The following TRABD2B variants were observed in gnomAD, a reference collection of about 807,000 sequenced individuals.
TRABD2B encodes the protein metalloprotease TIKI2.
TRABD2B carries 14 observed loss-of-function variants against 40.1 expected under a neutral mutation model. The ratio of observed to expected loss-of-function variants is 0.35; its 90% CI spans 0.23 to 0.55. The LOEUF is 0.55. Among genes scored for constraint, TRABD2B ranks in the 20% least tolerant of loss-of-function variants. The pLI, the probability that TRABD2B is intolerant of heterozygous loss-of-function variation, is 0.90. For missense variants in TRABD2B, 541 were observed against 648.6 expected, an observed-to-expected ratio of 0.83 and a Z score of 1.80; for synonymous variants, 263 against 277.0, an observed-to-expected ratio of 0.95 and a Z score of 0.50.
At chr1:47,794,419 G>A (rs1261259728) in intron 4 of TRABD2B, among the ~76,000 whole-genome samples, 167 bp downstream of exon 4, 4 of 152,130 alleles carry the variant, frequency 2.6e-5, no homozygotes, top group Admixed American at 2.0e-4. Flanking sequence ...CCCTTGACCC[G>A]AATCAGGAGA....
At chr1:47,849,191 T>G (rs1253357990) in intron 2 of TRABD2B, among the ~76,000 whole-genome samples, 1 of 152,208 alleles carries the variant, frequency 6.6e-6, no homozygotes, top group Non-Finnish European at 1.5e-5. Flanking sequence ...AGATAGGGCC[T>G]TTACAAAGGT....
At chr1:47,981,488 A>G (rs1255036328) in intron 2 of TRABD2B, among the ~76,000 whole-genome samples, 11 of 152,100 alleles carry the variant, frequency 7.2e-5, no homozygotes, top group Admixed American at 7.2e-4. Flanking sequence ...TCTACTTGAG[A>G]GACTGCCATG....
chr1:47,950,362 G>C (rs1191087706), intron 2 of TRABD2B, among the ~76,000 whole-genome samples: 1 of 152,174 alleles, frequency 6.6e-6, no homozygotes, highest in Non-Finnish European at 1.5e-5. Flanking sequence ...AGGAAATCAT[G>C]CAAATCTAAT....
At chr1:47,956,250 T>C (rs1472045165) in intron 2 of TRABD2B, among the ~76,000 whole-genome samples, 4 of 152,132 alleles carry the variant, frequency 2.6e-5, no homozygotes, top group Admixed American at 2.0e-4. Context: ...GGTTCCAAGA[T>C]GGCCAAATAG....
intron 2 of TRABD2B, among the ~76,000 whole-genome samples, chr1:47,803,904 G>A (rs1644856016): frequency 6.6e-6 from 1 of 152,154 alleles, no homozygotes; most frequent in African/African-American, 2.4e-5. Flanking sequence ...TGCATTTTGA[G>A]GCATGCCACC....
chr1:47,773,110 C>T (rs1384622113), intron 6 of TRABD2B, among the ~76,000 whole-genome samples: 1 of 152,240 alleles, frequency 6.6e-6, no homozygotes, highest in Non-Finnish European at 1.5e-5. Flanking sequence ...CCCAGCTTCC[C>T]GTCACCCCAT....
Position 47,765,841 on chromosome 1 carries a change from T to G in TRABD2B, c.*61A>C, listed in dbSNP as rs772984397. On this transcript the variant is annotated 3_prime_UTR_variant, in exon 7 of 7. Transcript: ENST00000606738. Reference sequence around the variant, plus strand: ...CCCCTGGAGGTGGTGGCAGGAGCAGTTGGGTGTGGCCGAAGACCCCTGTGT... The same window carrying G: ...CCCCTGGAGGTGGTGGCAGGAGCAGGTGGGTGTGGCCGAAGACCCCTGTGT... 2.7e-5 allele frequency: 19 copies of G among 702,600 alleles called. No individual in the cohort carries two copies. Among genetic ancestry groups the G allele is most frequent in the Non-Finnish European group, 4.2e-5 (16 of 384,892 alleles). 43.5% of individuals were successfully genotyped at this position (702,600 alleles called of 1,614,324 possible).
chr1:47,881,040 T>C (rs1387238323), intron 2 of TRABD2B, among the ~76,000 whole-genome samples: 2 of 151,872 alleles, frequency 1.3e-5, no homozygotes, highest in Non-Finnish European at 2.9e-5. Context: ...CCATGGAGAG[T>C]CACAAAAAAG....
At chr1:47,772,354 G>A (rs1423424974) in intron 6 of TRABD2B, among the ~76,000 whole-genome samples, 1 of 151,814 alleles carries the variant, frequency 6.6e-6, no homozygotes, top group Non-Finnish European at 1.5e-5. Context: ...AGGTGTGGAG[G>A]TGGGACGGGG....
intron 3 of TRABD2B, among the ~76,000 whole-genome samples, chr1:47,797,882 G>A (rs765042633): frequency 1.3e-5 from 2 of 152,226 alleles, no homozygotes; most frequent in Non-Finnish European, 2.9e-5. Flanking sequence ...TGGTTGGACA[G>A]GGCTGGGGTG....
In TRABD2B at chr1:47,801,636, G is replaced by C; in HGVS notation, c.667-17C>G. On this transcript the variant is annotated splice_polypyrimidine_tract_variant and intron_variant, in intron 2 of 6. Transcript: ENST00000606738. ...AAACAGCACCTGGGCCGAGGAAAGA[G>C]AGAGGAATGAGGGCTGTGCTCAGGG... 1.3e-6 allele frequency: 2 copies of C among 1,534,894 alleles called. No homozygotes were observed. Among genetic ancestry groups the C allele is most frequent in the Non-Finnish European group, 1.7e-6 (2 of 1,146,118 alleles).
intron 2 of TRABD2B, among the ~76,000 whole-genome samples, chr1:47,909,118 T>C (rs1222724025): frequency 6.6e-6 from 1 of 152,278 alleles, no homozygotes; most frequent in African/African-American, 2.4e-5. Context: ...TTGCTAGGCA[T>C]GCTCTTAATA....
intron 2 of TRABD2B, among the ~76,000 whole-genome samples, chr1:47,986,365 C>G (rs1002620187): frequency 6.6e-6 from 1 of 152,116 alleles, no homozygotes; most frequent in Non-Finnish European, 1.5e-5. Context: ...TGCCAACACT[C>G]CAACCACAGA....
intron 3 of TRABD2B, among the ~76,000 whole-genome samples, chr1:47,796,634 C>A (rs1310397227): frequency 1.3e-5 from 2 of 152,238 alleles, no homozygotes; most frequent in African/African-American, 4.8e-5. Flanking sequence ...TGGGGCTTCT[C>A]TGCCAGAAAG....
intron 2 of TRABD2B, among the ~76,000 whole-genome samples, chr1:47,862,153 A>G (rs777092135): frequency 4.6e-5 from 7 of 152,208 alleles, no homozygotes; most frequent in Non-Finnish European, 8.8e-5. Context: ...TAATGCTAAG[A>G]AACTCGAAGC....
At chr1:47,952,954 C>T (rs1645366788) in intron 2 of TRABD2B, among the ~76,000 whole-genome samples, 1 of 152,188 alleles carries the variant, frequency 6.6e-6, no homozygotes, top group Non-Finnish European at 1.5e-5. Context: ...TCTTTTGGGA[C>T]AGCCGCACTC....
At chr1:47,940,948 C>A (rs1645178357) in intron 2 of TRABD2B, among the ~76,000 whole-genome samples, 1 of 152,174 alleles carries the variant, frequency 6.6e-6, no homozygotes, top group Admixed American at 6.5e-5. Context: ...TCCTGGACTC[C>A]AGCCCAGAAG....
intron 2 of TRABD2B, among the ~76,000 whole-genome samples, chr1:47,914,387 C>G (rs970091263): frequency 6.6e-6 from 1 of 152,248 alleles, no homozygotes; most frequent in Non-Finnish European, 1.5e-5. Flanking sequence ...TTCAGGCTAC[C>G]GTCCTGGTGA....
intron 2 of TRABD2B, among the ~76,000 whole-genome samples, chr1:47,981,005 T>C (rs1645833233): frequency 6.6e-6 from 1 of 152,106 alleles, no homozygotes; most frequent in Non-Finnish European, 1.5e-5. Context: ...ATTCCCTCTT[T>C]TCTTTTTTCT....
Sources: allele counts gnomAD v4.1 joint callset (sites outside exome capture counted in the v4.1 genomes callset), GRCh38; gene constraint gnomAD v4.1.1; transcripts MANE v1.5; gene names NCBI Gene and HGNC (gene_info 2026-07-23, HGNC 2026-07-21).